The following ITCH variants were observed in gnomAD, a reference collection of about 807,000 sequenced individuals.
ITCH encodes E3 ubiquitin-protein ligase Itchy homolog.
A neutral mutation model predicts 126.8 loss-of-function variants in ITCH; 28 were observed. The ratio of observed to expected loss-of-function variants is 0.22; its 90% CI spans 0.16 to 0.30. ITCH has a LOEUF of 0.30. ITCH is among the 10% of genes least tolerant of loss of function. ITCH has a pLI of 1.00. For synonymous variants in ITCH, 342 were observed against 340.0 expected, an observed-to-expected ratio of 1.01 and a Z score of -0.06; for missense variants, 631 against 1,032.4, an observed-to-expected ratio of 0.61 and a Z score of 5.33.
chr20:34,481,961 G>C (rs1047513765), intron 20 of ITCH, among the ~76,000 whole-genome samples: 1 of 152,124 alleles, frequency 6.6e-6, no homozygotes, highest in Non-Finnish European at 1.5e-5. Flanking sequence ...CAGTGAGCCA[G>C]GATAGCACCA....
intron 3 of ITCH, among the ~76,000 whole-genome samples, chr20:34,397,435 T>A (rs1448564683): frequency 3.3e-5 from 5 of 152,324 alleles, no homozygotes; most frequent in Admixed American, 3.3e-4. Context: ...TCCCTTTAAT[T>A]TGATAGCATT....
intron 6 of ITCH, among the ~76,000 whole-genome samples, chr20:34,418,757 C>CTTTTTTTTTTTTTTT (rs373974620): frequency 1.7e-5 from 2 of 116,534 alleles, no homozygotes; most frequent in Non-Finnish European, 1.7e-5. Context: ...TCTTTTTTTC[C>CTTTTTTTTTTTTTTT]TTTTTTTTTT....
chr20:34,391,277 A>G (rs1253964656), intron 2 of ITCH, among the ~76,000 whole-genome samples: 1 of 152,218 alleles, frequency 6.6e-6, no homozygotes, highest in Non-Finnish European at 1.5e-5. Flanking sequence ...ACTTGAGTAC[A>G]CAGGTGCCCT....
intron 14 of ITCH, among the ~76,000 whole-genome samples, chr20:34,465,416 G>A (rs905220111): frequency 2.6e-5 from 4 of 151,878 alleles, no homozygotes; most frequent in Non-Finnish European, 4.4e-5. Flanking sequence ...CTGAAAAAAA[G>A]AAGTCATTTG....
At chr20:34,465,338 C>T (rs945268791) in intron 14 of ITCH, among the ~76,000 whole-genome samples, 1 of 151,954 alleles carries the variant, frequency 6.6e-6, no homozygotes, top group Non-Finnish European at 1.5e-5. Context: ...TTCTTTTTTT[C>T]AAGCTGCTTT....
intron 22 of ITCH, among the ~76,000 whole-genome samples, chr20:34,492,237 A>G (rs1989566200): frequency 6.6e-6 from 1 of 152,126 alleles, no homozygotes; most frequent in Non-Finnish European, 1.5e-5. Flanking sequence ...GTTTCCTTTA[A>G]GATTTGAAAT....
intron 8 of ITCH, 72 bp downstream of exon 8, chr20:34,438,703 G>A (rs1983357848): frequency 6.5e-7 from 1 of 1,542,908 alleles, no homozygotes; most frequent in Non-Finnish European, 9.0e-7. Flanking sequence ...GTAAGTGTCA[G>A]GAAATTCTTT....
intron 23 of ITCH, among the ~76,000 whole-genome samples, chr20:34,501,350 A>G (rs1216524038): frequency 6.6e-6 from 1 of 152,238 alleles, no homozygotes; most frequent in African/African-American, 2.4e-5. Flanking sequence ...GTAATTTATA[A>G]TGAAATAATA....
intron 2 of ITCH, among the ~76,000 whole-genome samples, chr20:34,374,354 G>A (rs1252303138): frequency 6.6e-6 from 1 of 152,140 alleles, no homozygotes; most frequent in Non-Finnish European, 1.5e-5. Context: ...TGACTCTACT[G>A]TGTAGTGGTG....
chr20:34,392,416 G>A (rs1204267449), intron 2 of ITCH, among the ~76,000 whole-genome samples: 3 of 152,274 alleles, frequency 2.0e-5, no homozygotes, highest in Middle Eastern at 3.4e-3. Flanking sequence ...TGGTTGAGAC[G>A]AAATTTTAGC....
At chr20:34,428,751 A>C (rs889502248) in intron 7 of ITCH, among the ~76,000 whole-genome samples, 2 of 151,830 alleles carry the variant, frequency 1.3e-5, no homozygotes, top group Admixed American at 1.3e-4. Context: ...CTTTGATTTG[A>C]ACATTTATGA....
chr20:34,418,015 G>A (rs985270009), intron 6 of ITCH, among the ~76,000 whole-genome samples: 2 of 148,888 alleles, frequency 1.3e-5, no homozygotes, highest in Non-Finnish European at 3.0e-5. Flanking sequence ...TGCCAAGGGT[G>A]GAGTGCAATG....
At chr20:34,379,905 C>A (rs1229862398) in intron 2 of ITCH, among the ~76,000 whole-genome samples, 2 of 129,642 alleles carry the variant, frequency 1.5e-5, no homozygotes, top group Non-Finnish European at 3.2e-5. Context: ...CCCCCCCCCC[C>A]CTTTTTTTTT....
intron 16 of ITCH, among the ~76,000 whole-genome samples, chr20:34,472,450 C>A (rs1987739315): frequency 6.7e-6 from 1 of 149,984 alleles, no homozygotes; most frequent in Non-Finnish European, 1.5e-5. Flanking sequence ...TAATAACCTA[C>A]TGCAACTAAA....
chr20:34,507,420 T>C (rs1451694705), intron 24 of ITCH, among the ~76,000 whole-genome samples: 4 of 151,926 alleles, frequency 2.6e-5, no homozygotes, highest in African/African-American at 9.7e-5. Context: ...TATTGGTCAT[T>C]TGTATGTCTT....
chr20:34,495,633 T>C (rs1989828524), intron 23 of ITCH, among the ~76,000 whole-genome samples: 1 of 152,170 alleles, frequency 6.6e-6, no homozygotes, highest in Non-Finnish European at 1.5e-5. Context: ...TTAAAAAATG[T>C]CTGAAGTATT....
intron 20 of ITCH, among the ~76,000 whole-genome samples, chr20:34,488,978 G>T (rs569530375): frequency 4.6e-5 from 7 of 152,144 alleles, no homozygotes; most frequent in Admixed American, 4.6e-4. Context: ...GGTCGAGACT[G>T]CAGTGAGCCA....
intron 7 of ITCH, among the ~76,000 whole-genome samples, chr20:34,437,238 T>C (rs1188742016): frequency 6.6e-6 from 1 of 152,244 alleles, no homozygotes; most frequent in Admixed American, 6.5e-5. Context: ...TTATACTGTT[T>C]TTATTAAAAA....
chr20:34,444,109 T>C (rs545963159), intron 10 of ITCH, among the ~76,000 whole-genome samples: 2 of 152,368 alleles, frequency 1.3e-5, no homozygotes, highest in South Asian at 4.1e-4. Context: ...ATTCATTATT[T>C]TATTATTTAT....
Sources: allele counts gnomAD v4.1 joint callset (sites outside exome capture counted in the v4.1 genomes callset), GRCh38; gene constraint gnomAD v4.1.1; transcripts MANE v1.5; gene names NCBI Gene and HGNC (gene_info 2026-07-23, HGNC 2026-07-21).